The following BACH2 variants were observed in gnomAD, a reference collection of about 807,000 sequenced individuals.
BACH2 encodes transcription regulator protein BACH2.
Under a neutral mutation model 61.8 loss-of-function variants are expected in BACH2, and 5 were observed. The observed-to-expected ratio is 0.08, with a 90% CI of 0.04 to 0.17. The LOEUF (loss-of-function observed/expected upper bound fraction) is 0.17. Among genes scored for constraint, BACH2 ranks in the 10% least tolerant of loss-of-function variants. The pLI, the probability that BACH2 is intolerant of heterozygous loss-of-function variation, is 1.00. For synonymous variants in BACH2, 446 were observed against 440.1 expected, an observed-to-expected ratio of 1.01 and a Z score of -0.17; for missense variants, 824 against 1,091.1, an observed-to-expected ratio of 0.76 and a Z score of 3.45.
At chr6:90,014,291 T>C (rs1225650834) in intron 5 of BACH2, among the ~76,000 whole-genome samples, 1 of 149,886 alleles carries the variant, frequency 6.7e-6, no homozygotes, top group Non-Finnish European at 1.5e-5. Flanking sequence ...TTTTTTTTTT[T>C]CTTTTTGTAG....
intron 3 of BACH2, among the ~76,000 whole-genome samples, chr6:90,243,908 T>C (rs1034346350): frequency 1.3e-5 from 2 of 152,154 alleles, no homozygotes; most frequent in African/African-American, 4.8e-5. Context: ...ACCTCAGTCA[T>C]AGGACATTCA....
At chr6:90,073,511 T>C (rs1281196462) in intron 5 of BACH2, among the ~76,000 whole-genome samples, 1 of 152,202 alleles carries the variant, frequency 6.6e-6, no homozygotes, top group African/African-American at 2.4e-5. Context: ...TGCAAATACT[T>C]GAAAACCTTT....
intron 4 of BACH2, among the ~76,000 whole-genome samples, chr6:90,194,921 A>C (rs944138252): frequency 6.6e-6 from 1 of 152,200 alleles, no homozygotes; most frequent in African/African-American, 2.4e-5. Context: ...CGAAGAGAAA[A>C]ACTGTAGTAA....
chr6:90,223,714 A>G (rs1391338469), intron 3 of BACH2, among the ~76,000 whole-genome samples: 2 of 152,044 alleles, frequency 1.3e-5, no homozygotes, highest in African/African-American at 4.8e-5. Flanking sequence ...GACTCAAGCA[A>G]TCCACCTGCC....
chr6:90,086,664 T>C (rs1452581344), intron 5 of BACH2, among the ~76,000 whole-genome samples: 2 of 152,164 alleles, frequency 1.3e-5, no homozygotes, highest in Admixed American at 6.5e-5. Context: ...TAAGGAGTCA[T>C]GACAACTTCT....
chr6:90,196,364 AG>A (rs1768757796), intron 4 of BACH2, among the ~76,000 whole-genome samples: 1 of 152,216 alleles, frequency 6.6e-6, no homozygotes, highest in African/African-American at 2.4e-5. Context: ...AGGCCTCTAA[AG>A]TACACATTAT....
At chr6:90,095,567 A>G (rs1316628917) in intron 4 of BACH2, among the ~76,000 whole-genome samples, 1 of 152,142 alleles carries the variant, frequency 6.6e-6, no homozygotes, top group Non-Finnish European at 1.5e-5. Context: ...TACAACAAAG[A>G]GGTTATCAGA....
intron 5 of BACH2, among the ~76,000 whole-genome samples, chr6:90,033,351 T>TAAAA (rs57759686): frequency 1.6e-4 from 13 of 83,308 alleles, no homozygotes; most frequent in South Asian, 8.0e-4. Context: ...GAAACTTAAA[T>TAAAA]AAAAAAAAAA....
chr6:90,181,958 C>G (rs1053973580), intron 4 of BACH2, among the ~76,000 whole-genome samples: 2 of 152,156 alleles, frequency 1.3e-5, no homozygotes, highest in Non-Finnish European at 2.9e-5. Context: ...TATGGATTCA[C>G]AGGCAGGACT....
chr6:90,290,383 GGACT>G (rs1484778530), intron 1 of BACH2, among the ~76,000 whole-genome samples: 1 of 152,208 alleles, frequency 6.6e-6, no homozygotes, highest in Non-Finnish European at 1.5e-5. Context: ...CCAGGGGCCA[GGACT>G]GGGTTTGCTC....
At chr6:90,005,799 G>T (rs1376401776) in intron 6 of BACH2, among the ~76,000 whole-genome samples, 3 of 152,236 alleles carry the variant, frequency 2.0e-5, no homozygotes, top group Non-Finnish European at 4.4e-5. Context: ...AGAAAAAAAG[G>T]ATCTAGTTCT....
chr6:90,003,632 G>C (rs1777250921), intron 6 of BACH2, among the ~76,000 whole-genome samples: 1 of 152,178 alleles, frequency 6.6e-6, no homozygotes, highest in Non-Finnish European at 1.5e-5. Flanking sequence ...AATGAGTGAG[G>C]AAACAGAAGC....
chr6:90,055,362 A>C (rs1330130099), intron 5 of BACH2, among the ~76,000 whole-genome samples: 1 of 152,200 alleles, frequency 6.6e-6, no homozygotes, highest in African/African-American at 2.4e-5. Flanking sequence ...CAACTGGAAG[A>C]AAGGGTATCA....
At chr6:90,015,444 G>C (rs554200947) in intron 5 of BACH2, among the ~76,000 whole-genome samples, 157 of 152,152 alleles carry the variant, frequency 1.0e-3, no homozygotes, top group African/African-American at 3.7e-3. Context: ...TGTTTTAGCA[G>C]TATCTTGCAA....
chr6:90,194,573 C>CA (rs1768690262), intron 4 of BACH2, among the ~76,000 whole-genome samples: 1 of 152,190 alleles, frequency 6.6e-6, no homozygotes, highest in Admixed American at 6.5e-5. Flanking sequence ...GCAGACCACT[C>CA]ACCAGCATTA....
At chr6:90,054,613 T>C (rs1186650629) in intron 5 of BACH2, among the ~76,000 whole-genome samples, 1 of 152,164 alleles carries the variant, frequency 6.6e-6, no homozygotes, top group Non-Finnish European at 1.5e-5. Context: ...TCTGACAGCT[T>C]TGAAGAGAGT....
intron 3 of BACH2, among the ~76,000 whole-genome samples, chr6:90,212,296 C>T (rs1014416928): frequency 6.6e-6 from 1 of 152,178 alleles, no homozygotes; most frequent in South Asian, 2.1e-4. Context: ...AGAAACTAGA[C>T]TCCTGCCCCC....
chr6:89,982,430 GA>G (rs1464730198), intron 6 of BACH2, among the ~76,000 whole-genome samples: 2 of 152,154 alleles, frequency 1.3e-5, no homozygotes, highest in African/African-American at 2.4e-5. Context: ...CAAGGTACTA[GA>G]AAAAGGCTGT....
chr6:90,144,177 T>A (rs1784547291), intron 4 of BACH2, among the ~76,000 whole-genome samples: 1 of 152,240 alleles, frequency 6.6e-6, no homozygotes, highest in Non-Finnish European at 1.5e-5. Context: ...TTTCCTTTAT[T>A]TAAAAAACTG....
Sources: allele counts gnomAD v4.1 joint callset (sites outside exome capture counted in the v4.1 genomes callset), GRCh38; gene constraint gnomAD v4.1.1; transcripts MANE v1.5; gene names NCBI Gene and HGNC (gene_info 2026-07-23, HGNC 2026-07-21).